The following STK36 variants were observed in gnomAD, a reference collection of about 807,000 sequenced individuals.
STK36 encodes serine/threonine-protein kinase 36.
Under a neutral mutation model 142.2 loss-of-function variants are expected in STK36, and 116 were observed. The observed-to-expected ratio is 0.82, with a 90% CI of 0.70 to 0.95. The LOEUF (loss-of-function observed/expected upper bound fraction) is 0.95. Ranked by LOEUF, STK36 falls within the 40% of genes least tolerant of loss-of-function variation. The pLI, the probability that STK36 is intolerant of heterozygous loss-of-function variation, is 0.00. For missense variants in STK36, 1,422 were observed against 1,617.2 expected, an observed-to-expected ratio of 0.88 and a Z score of 2.07; for synonymous variants, 619 against 641.7, an observed-to-expected ratio of 0.96 and a Z score of 0.53.
chr2:218,692,835 G>C (rs924885994), intron 16 of STK36, 125 bp downstream of exon 16: 62 of 1,319,050 alleles, frequency 4.7e-5, no homozygotes, highest in Non-Finnish European at 8.1e-6. Context: ...TCCAGAAACA[G>C]ATGCTCCCAC....
intron 25 of STK36, among the ~76,000 whole-genome samples, chr2:218,698,203 C>G (rs1941308463): frequency 6.6e-6 from 1 of 152,160 alleles, no homozygotes; most frequent in Admixed American, 6.5e-5. Flanking sequence ...GGTGCCTCCT[C>G]CTCTCCATCA....
chr2:218,690,368 A>C (rs1164971433), intron 13 of STK36, 82 bp from the exon 14 acceptor site: 10 of 1,114,282 alleles, frequency 9.0e-6, no homozygotes, highest in Non-Finnish European at 1.4e-5. Context: ...AGATTCTCCT[A>C]CCTGCCCAGG....
rs746627715 is a variant in STK36 at position 218,673,706 on chromosome 2, C to T, written c.166C>T (p.Arg56Trp). The T allele has an allele frequency of 2.1e-5, 34 of 1,613,990 alleles. No individual in the cohort carries two copies. In the African/African-American group the frequency reaches 3.5e-4, roughly 16 times the overall value. The change falls in exon 3 of 27, where the codon CGG becomes TGG. Residue 56 changes from arginine to tryptophan, a missense_variant. By Grantham distance (101) the Arg-to-Trp change is moderately radical (BLOSUM62 -3). Transcript: ENST00000295709. Reference sequence around the variant, plus strand: ...TTTGCAACGAGAGATTGAAATAATGCGGGGTCTGCGGCATCCCAACATTGT... The same window carrying T: ...TTTGCAACGAGAGATTGAAATAATGTGGGGTCTGCGGCATCCCAACATTGT... ...RNLQREIEIMRGLRHPNIVHM... is the reference protein window; with the variant it reads ...RNLQREIEIMWGLRHPNIVHM...
chr2:218,688,355 G>A (rs1186253257), intron 11 of STK36: 1 of 489,468 alleles, frequency 2.0e-6, no homozygotes, highest in Non-Finnish European at 4.0e-6. Flanking sequence ...TGAATTTTCA[G>A]AAGCATGTGC....
In STK36 at chr2:218,689,934, G is replaced by A; in HGVS notation, c.1636G>A (p.Glu546Lys). The A allele has an allele frequency of 6.3e-7, 1 of 1,597,640 alleles. No homozygotes were observed. The highest frequency in any genetic ancestry group is 8.5e-7 in the Non-Finnish European group (1 of 1,170,986). ...CTACTTTGCCTGTACCTTCAATCTG[G>A]AGAGGAGCCAGACAAGTGACAGGTA... ...QAYFACTFNL[E>K]RSQTSDSLQV... is the part of the protein sequence containing the mutation. The change falls in exon 13 of 27, where the codon GAG becomes AAG. Residue 546 changes from glutamate to lysine, a missense_variant. Transcript: ENST00000295709.
Position 218,693,755 on chromosome 2 carries a change from C to T in STK36, c.2181C>T (p.Gly727=), listed in dbSNP as rs1464101599. The T allele has an allele frequency of 1.9e-6, 3 of 1,614,090 alleles. No individual in the cohort carries two copies. Among genetic ancestry groups the T allele is most frequent in the East Asian group, 2.2e-5 (1 of 44,882 alleles). ...ACTCCTGCTGCCTTGTCAGTGAGGG[C>T]CTGTGCCGTCTTCTGGGGCAGGAGC... ...VLYSCCLVSE[G]LCRLLGQEPL... The change falls in exon 18 of 27, where the codon GGC becomes GGT. Residue 727 remains glycine, a synonymous_variant. Transcript: ENST00000295709.
At chr2:218,683,536 G>C (rs1386688912) in intron 10 of STK36, among the ~76,000 whole-genome samples, 1 of 152,124 alleles carries the variant, frequency 6.6e-6, no homozygotes, top group Non-Finnish European at 1.5e-5. Flanking sequence ...GCCTCTTGAA[G>C]TGCTGGGATT....
Position 218,680,001 on chromosome 2 carries a change from C to T in STK36, c.1057C>T (p.Leu353Phe), listed in dbSNP as rs1233610446. Residue 353 changes from leucine to phenylalanine, a missense_variant, in exon 9 of 27, where the codon CTC becomes TTC. Physicochemically the swap from Leu to Phe is conservative, Grantham distance 22. This residue lies in a region of STK36 where 460 missense variants were observed against 449.6 expected (regional missense o/e 1.02). Transcript: ENST00000295709. The part of the protein sequence containing the change: ...RLGATPQESS[L>F]LAGILASELK... ...CGGGGCCACTCCTCAGGAATCAAGC[C>T]TCCTGGCCGGGATCTTAGCCTCAGA... is the stretch of plus-strand genomic sequence containing the variant. 6.2e-7 allele frequency: 1 copy of T among 1,614,208 alleles called. No individual in the cohort carries two copies.
intron 10 of STK36, among the ~76,000 whole-genome samples, chr2:218,681,833 G>A (rs751741946): frequency 2.0e-5 from 3 of 152,246 alleles, no homozygotes; most frequent in Non-Finnish European, 4.4e-5. Context: ...CTGATTAGGC[G>A]CTGCCTCCTA....
At chr2:218,687,431 T>C (rs540041363) in intron 11 of STK36, among the ~76,000 whole-genome samples, 4 of 152,360 alleles carry the variant, frequency 2.6e-5, no homozygotes, top group African/African-American at 7.2e-5. Context: ...TTGTATATAA[T>C]GTGAGGAAAG....
chr2:218,680,836 T>C (rs781688174), intron 10 of STK36, 134 bp downstream of exon 10: 148 of 639,848 alleles, frequency 2.3e-4, no homozygotes, highest in Non-Finnish European at 3.1e-4. Context: ...TGCTTTATTA[T>C]TATAGATTTT....
At chr2:218,672,470 AG>A (rs1940029249) in intron 1 of STK36, 1 of 307,258 alleles carries the variant, frequency 3.3e-6, no homozygotes, top group South Asian at 3.4e-5. Context: ...TCAAAGGAGC[AG>A]GGTTGGTTGG....
chr2:218,676,086 A>G lies in STK36; in HGVS notation c.492A>G (p.Pro164=), dbSNP rs1293516284. Residue 164 remains proline (P), a synonymous_variant, in exon 6 of 27, where the codon CCA becomes CCG. Transcript: ENST00000295709. ...TGCTGACATCCATCAAAGGCACACC[A>G]CTCTATATGTCTCCAGAGCTGGTGG... ...TMVLTSIKGT[P]LYMSPELVEE... The G allele has an allele frequency of 6.2e-7, 1 of 1,613,792 alleles. No individual in the cohort carries two copies. Among genetic ancestry groups the G allele is most frequent in the Non-Finnish European group, 8.5e-7 (1 of 1,179,984 alleles).
intron 12 of STK36, among the ~76,000 whole-genome samples, chr2:218,689,567 A>G (rs1042292728): frequency 3.3e-5 from 5 of 152,212 alleles, no homozygotes; most frequent in Non-Finnish European, 7.3e-5. Flanking sequence ...GTTGATGAGT[A>G]TTAATCTTGG....
chr2:218,688,010 T>A (rs1940842517), intron 11 of STK36, among the ~76,000 whole-genome samples: 2 of 151,960 alleles, frequency 1.3e-5, no homozygotes, highest in African/African-American at 4.8e-5. Flanking sequence ...ATACAAAAAT[T>A]AGCTAGGTGT....
At chr2:218,680,735 C>T (rs768879206) in intron 10 of STK36, 33 bp downstream of exon 10, 1 of 1,574,334 alleles carries the variant, frequency 6.4e-7, no homozygotes, top group Admixed American at 1.8e-5. Context: ...GACTTTGTCT[C>T]TTTCATGGGA....
At position 218,694,649 on chromosome 2, in the gene STK36, G is replaced by A; in HGVS notation, c.2511+14G>A. On this transcript the variant is annotated intron_variant, in intron 21 of 26. Coordinates refer to ENST00000295709, the MANE Select transcript of STK36 (RefSeq NM_015690.5). The surrounding 1 kb of genome is among the most constrained non-coding windows in gnomAD (Gnocchi z 4.4). The stretch of plus-strand genomic sequence containing the variant: ...GCCCCTGCAGAGGTGAGGCCCCCCA[G>A]GGAGGGCACAGACATGTTTTCTCTG... The A allele has an allele frequency of 6.2e-7, 1 of 1,609,654 alleles. No individual in the cohort carries two copies. Among genetic ancestry groups the A allele is most frequent in the Non-Finnish European group, 8.5e-7 (1 of 1,175,882 alleles).
In STK36 at chr2:218,680,111, G is replaced by A. The variant is rs200866952; in HGVS notation, c.1136+31G>A. ...AAGGGTATAGTTAGGGATTTGTAGGGTGAGGTATCTTGCACATCTTTAACT... is the reference window on the plus strand; with the variant it reads ...AAGGGTATAGTTAGGGATTTGTAGGATGAGGTATCTTGCACATCTTTAACT... On this transcript the variant is annotated intron_variant, in intron 9 of 26. Coordinates refer to ENST00000295709, the MANE Select transcript of STK36 (RefSeq NM_015690.5). 5 of 1,604,144 alleles carry A rather than the reference G, an allele frequency of 3.1e-6. No individual in the cohort carries two copies. In the African/African-American group the frequency reaches 4.0e-5, roughly 13 times the overall value.
At chr2:218,677,498 G>T (rs1443352784) in intron 6 of STK36, among the ~76,000 whole-genome samples, 1 of 152,216 alleles carries the variant, frequency 6.6e-6, no homozygotes, top group Non-Finnish European at 1.5e-5. Flanking sequence ...CCTGAGAATG[G>T]TAACTCCAGT....
Sources: allele counts gnomAD v4.1 joint callset (sites outside exome capture counted in the v4.1 genomes callset), GRCh38; gene constraint gnomAD v4.1.1; regional missense constraint gnomAD v4.1.1; non-coding constraint Gnocchi (gnomAD v3.1); transcripts MANE v1.5; gene names NCBI Gene and HGNC (gene_info 2026-07-23, HGNC 2026-07-21).